Variants in ADAM7 observed in about 807,000 individuals in gnomAD.
The protein encoded by ADAM7 is ADAM metallopeptidase domain 7.
ADAM7 carries 97 observed loss-of-function variants against 102.9 expected under a neutral mutation model. The observed-to-expected ratio is 0.94, with a 90% CI of 0.80 to 1.12. The LOEUF (loss-of-function observed/expected upper bound fraction) is 1.12, where lower values mean the gene tolerates loss of function less well. Among genes scored for constraint, ADAM7 ranks in the 50% most tolerant of loss-of-function variants. The probability of loss-of-function intolerance (pLI) is 0.00; values close to 1 mark genes in which losing one functional copy is unlikely to be tolerated. For synonymous variants in ADAM7, 334 were observed against 304.4 expected, an observed-to-expected ratio of 1.10 and a Z score of -1.01; for missense variants, 991 against 908.7, an observed-to-expected ratio of 1.09 and a Z score of -1.16.
intron 4 of ADAM7, among the ~76,000 whole-genome samples, chr8:24,464,601 C>CTTTGT (rs1819361860): frequency 6.6e-6 from 1 of 152,072 alleles, no homozygotes; most frequent in Admixed American, 6.6e-5. Flanking sequence ...CAATGGTGAA[C>CTTTGT]TTTGTTTTGT....
At chr8:24,476,014 G>A (rs1189499371) in intron 7 of ADAM7, 5 of 453,728 alleles carry the variant, frequency 1.1e-5, no homozygotes, top group African/African-American at 2.0e-5. Context: ...TCCTTATTTT[G>A]TGAACACCAA....
intron 8 of ADAM7, among the ~76,000 whole-genome samples, chr8:24,479,325 A>G (rs1445087157): frequency 6.6e-6 from 1 of 152,088 alleles, no homozygotes; most frequent in Admixed American, 6.6e-5. Flanking sequence ...TGGATTCAGG[A>G]CAGTTTCCCA....
At chr8:24,488,759 C>G (rs1820233184) in intron 11 of ADAM7, among the ~76,000 whole-genome samples, 2 of 151,902 alleles carry the variant, frequency 1.3e-5, no homozygotes, top group African/African-American at 4.8e-5. Flanking sequence ...GTGCCAGGTA[C>G]TGTGTTAACT....
At position 24,497,175 on chromosome 8, in the gene ADAM7, G is replaced by A. The variant is rs972098237; in HGVS notation, c.1843-2061G>A. ...TTGCCTGCTGCCATCCATGTAAGAT[G>A]TGACTTGCTCCTCCTTGCTTTCTGC... On this transcript the variant is annotated intron_variant, in intron 16 of 21. Coordinates refer to ENST00000175238, the MANE Select transcript of ADAM7 (RefSeq NM_003817.4). 2.0e-5 allele frequency among the ~76,000 whole-genome samples: 3 copies of A among 152,168 alleles called. 1 individual carries two copies. In the Middle Eastern group the frequency reaches 9.5e-3, roughly 482 times the overall value.
At chr8:24,484,968 G>A (rs1328136791) in intron 9 of ADAM7, among the ~76,000 whole-genome samples, 2 of 151,912 alleles carry the variant, frequency 1.3e-5, no homozygotes, top group African/African-American at 2.4e-5. Flanking sequence ...ACCATGCCCA[G>A]CTAATTTTTG....
chr8:24,496,591 C>G (rs1288415578), intron 16 of ADAM7, among the ~76,000 whole-genome samples: 2 of 152,212 alleles, frequency 1.3e-5, no homozygotes, highest in Non-Finnish European at 2.9e-5. Context: ...GAACCCACCT[C>G]TTGCATCAGT....
chr8:24,467,126 T>A, intron 6 of ADAM7, 138 bp downstream of exon 6: 1 of 842,862 alleles, frequency 1.2e-6, no homozygotes. Flanking sequence ...TATTTGAAAT[T>A]GGAAAATTTT....
At position 24,498,446 on chromosome 8, in the gene ADAM7, A is replaced by C. The variant is rs1038927487; in HGVS notation, c.1843-790A>C. 4.0e-5 allele frequency among the ~76,000 whole-genome samples: 6 copies of C among 151,518 alleles called. 1 individual carries two copies. The highest frequency in any genetic ancestry group is 4.2e-4 in the South Asian group (2 of 4,800). On this transcript the variant is annotated intron_variant, in intron 16 of 21. Coordinates refer to ENST00000175238, the MANE Select transcript of ADAM7 (RefSeq NM_003817.4). ...TTAGAAATTAGCATATATAGCTTTC[A>C]AATTAGAGAAAACAATAGCTGAATA...
intron 3 of ADAM7, among the ~76,000 whole-genome samples, chr8:24,450,652 G>C (rs1424583485): frequency 6.6e-6 from 1 of 151,950 alleles, no homozygotes; most frequent in African/African-American, 2.4e-5. Flanking sequence ...TCCTTCTCCT[G>C]CCTAATTGCC....
At chr8:24,490,188 T>C (rs1820293908) in intron 12 of ADAM7, 1 of 152,398 alleles carries the variant, frequency 6.6e-6, no homozygotes, top group South Asian at 2.1e-4. Flanking sequence ...TATAAGAATG[T>C]CTTCAAATGT....
intron 1 of ADAM7, 100 bp from the exon 2 acceptor site, chr8:24,442,373 A>C: frequency 1.2e-6 from 1 of 826,044 alleles, no homozygotes; most frequent in Non-Finnish European, 2.1e-6. Context: ...ATGGCTGCTA[A>C]CTGGGGGCAA....
chr8:24,502,030 AAG>A (rs1820779918), intron 20 of ADAM7, among the ~76,000 whole-genome samples: 1 of 79,586 alleles, frequency 1.3e-5, no homozygotes, highest in Admixed American at 1.7e-4. Context: ...TAAAAATATA[AAG>A]ACTAAAAAAC....
intron 7 of ADAM7, among the ~76,000 whole-genome samples, chr8:24,470,795 C>T (rs1726189725): frequency 6.6e-6 from 1 of 152,058 alleles, no homozygotes; most frequent in African/African-American, 2.4e-5. Flanking sequence ...TAAAAAACAA[C>T]TATGTTACTG....
intron 8 of ADAM7, among the ~76,000 whole-genome samples, chr8:24,479,881 T>C (rs941360558): frequency 6.6e-6 from 1 of 152,180 alleles, no homozygotes; most frequent in African/African-American, 2.4e-5. Flanking sequence ...CTCAGTTCTG[T>C]GGTGGATACA....
intron 7 of ADAM7, among the ~76,000 whole-genome samples, chr8:24,470,608 G>C (rs1012176928): frequency 1.3e-5 from 2 of 152,080 alleles, no homozygotes; most frequent in African/African-American, 2.4e-5. Context: ...TCCATTAGAT[G>C]ATAACAAAGC....
chr8:24,446,442 ACTTC>A (rs1331061436), intron 2 of ADAM7, among the ~76,000 whole-genome samples: 1 of 152,174 alleles, frequency 6.6e-6, no homozygotes, highest in African/African-American at 2.4e-5. Context: ...AAACATGACC[ACTTC>A]CTTTCTTCAT....
Position 24,468,800 on chromosome 8 carries a change from A to G in ADAM7, c.613A>G (p.Ile205Val), listed in dbSNP as rs7829386. 962 of 1,613,274 alleles carry G rather than the reference A, an allele frequency of 6.0e-4. 5 individuals carry two copies. The African/African-American group carries it at 0.012, about 19-fold the overall frequency. Reference sequence around the variant, plus strand: ...TGATGAAAAGTATGTTGAATTGTTCATTGTTGCTGATGATACTGTGGTAAG... The same window carrying G: ...TGATGAAAAGTATGTTGAATTGTTCGTTGTTGCTGATGATACTGTGGTAAG... ...IHDEKYVELF[I>V]VADDTVYRRN... The change falls in exon 7 of 22, where the codon ATT becomes GTT. Residue 205 changes from isoleucine (I) to valine (V), a missense_variant. Coordinates refer to ENST00000175238, the MANE Select transcript of ADAM7 (RefSeq NM_003817.4).
intron 20 of ADAM7, among the ~76,000 whole-genome samples, chr8:24,504,511 T>A (rs1314457567): frequency 6.6e-6 from 1 of 152,066 alleles, no homozygotes; most frequent in African/African-American, 2.4e-5. Context: ...ATGATGAAAC[T>A]GCCCATTAGG....
At chr8:24,442,134 A>C (rs1818394959) in intron 1 of ADAM7, among the ~76,000 whole-genome samples, 1 of 152,202 alleles carries the variant, frequency 6.6e-6, no homozygotes, top group African/African-American at 2.4e-5. Context: ...AGATCACGCC[A>C]CTACACTCCA....
Sources: allele counts gnomAD v4.1 joint callset (sites outside exome capture counted in the v4.1 genomes callset), GRCh38; gene constraint gnomAD v4.1.1; transcripts MANE v1.5; gene names NCBI Gene and HGNC (gene_info 2026-07-23, HGNC 2026-07-21).